The following LBH variants were observed in gnomAD, a reference collection of about 807,000 sequenced individuals.
The protein encoded by LBH is LBH regulator of Wnt signaling pathway, also known as protein LBH.
A neutral mutation model predicts 12.5 loss-of-function variants in LBH; 7 were observed. The observed-to-expected ratio is 0.56, with a 90% CI of 0.32 to 1.05. LBH has a LOEUF of 1.05. LBH is among the 50% of genes least tolerant of loss of function. The pLI is 0.04. For missense variants in LBH, 119 were observed against 138.9 expected (o/e 0.86, Z 0.72); for synonymous variants, 51 against 50.1 (o/e 1.02, Z -0.08).
intron 1 of LBH, chr2:30,232,062 T>G: frequency 6.8e-7 from 1 of 1,477,920 alleles, no homozygotes; most frequent in Non-Finnish European, 9.0e-7. Context: ...TCCCCCCCAA[T>G]GAAACCACCC....
rs113721073 is a variant in LBH, at chr2:30,257,790, CTT to C, written c.*181_*182del. 3.9e-3 allele frequency: 1,532 copies of C among 395,778 alleles called. No homozygotes were observed. Among genetic ancestry groups the C allele is most frequent in the South Asian group, 8.4e-3 (207 of 24,736 alleles). 24.5% of individuals were successfully genotyped at this position (395,778 alleles called of 1,614,324 possible). On this transcript the variant is annotated 3_prime_UTR_variant, in exon 3 of 3. Transcript: ENST00000395323. ...AGTTGGTTTTCTTTTCTTTTCTTGCCTTTTTTTTTTTTTGAAATTTGCCGAGC... is the reference window on the plus strand; with the variant it reads ...AGTTGGTTTTCTTTTCTTTTCTTGCCTTTTTTTTTTTGAAATTTGCCGAGC...
At chr2:30,251,050 A>ATTT (rs372791263) in intron 2 of LBH, among the ~76,000 whole-genome samples, 136 of 122,488 alleles carry the variant, frequency 1.1e-3, no homozygotes, top group Non-Finnish European at 1.4e-3. Context: ...TGTCAGTAGA[A>ATTT]TTTTTTTTTT....
At chr2:30,247,068 A>C (rs1677884310) in intron 2 of LBH, among the ~76,000 whole-genome samples, 1 of 151,388 alleles carries the variant, frequency 6.6e-6, no homozygotes, top group Non-Finnish European at 1.5e-5. Context: ...CAGTCCTCCC[A>C]CCTCAGCCTC....
chr2:30,240,444 A>G (rs532668004), intron 2 of LBH, among the ~76,000 whole-genome samples: 1 of 152,262 alleles, frequency 6.6e-6, no homozygotes, highest in African/African-American at 2.4e-5. Context: ...CTCAGAGGAT[A>G]TGAAGACAGG....
At chr2:30,238,770 G>A (rs1446440242) in intron 2 of LBH, among the ~76,000 whole-genome samples, 1 of 152,160 alleles carries the variant, frequency 6.6e-6, no homozygotes, top group Non-Finnish European at 1.5e-5. Flanking sequence ...TGCATTGAGA[G>A]GTGGTCTGAA....
chr2:30,234,405 CCCCGACTA>C lies in LBH; in HGVS notation c.28_35del (p.Pro10SerfsTer8), dbSNP rs1677646843. The C allele has an allele frequency of 6.2e-7, 1 of 1,613,514 alleles. No individual in the cohort carries two copies. The highest frequency in any genetic ancestry group is 1.1e-5 in the South Asian group (1 of 91,070). ...ACTTTTGGTCTGGGTTTCTTGGCAG[CCCCGACTA>C]TCTGAGATCGGCCAAGATGACTGAG... On this transcript the variant is annotated frameshift_variant and splice_region_variant, in exon 2 of 3. Coordinates refer to ENST00000395323, the MANE Select transcript of LBH (RefSeq NM_030915.4). LOFTEE classifies it high-confidence loss of function.
At chr2:30,232,253 A>G in intron 1 of LBH, 1 of 1,185,950 alleles carries the variant, frequency 8.4e-7, no homozygotes, top group Non-Finnish European at 1.2e-6. Flanking sequence ...GGGGGCGGGA[A>G]ACGCTCTCCC....
rs1677973781 is a variant in LBH at position 30,251,265 on chromosome 2, T to C, written c.130-6168T>C. Among the ~76,000 whole-genome samples the C allele has an allele frequency of 3.9e-5, 6 of 152,048 alleles. No individual in the cohort carries two copies. In the South Asian group the frequency reaches 1.2e-3, roughly 32 times the overall value. On this transcript the variant is annotated intron_variant, in intron 2 of 2. Transcript: ENST00000395323. ...GTGCTCCATAGTCACACATGGCAAG[T>C]GGCTACTGTACTGGACAGCGCAGAT...
chr2:30,232,261 C>A (rs899461781), intron 1 of LBH: 12 of 1,514,950 alleles, frequency 7.9e-6, no homozygotes, highest in African/African-American at 6.9e-5. Flanking sequence ...GAAACGCTCT[C>A]CCCACACGTA....
intron 2 of LBH, among the ~76,000 whole-genome samples, chr2:30,239,205 A>G (rs954034009): frequency 2.6e-5 from 4 of 152,028 alleles, no homozygotes; most frequent in African/African-American, 9.7e-5. Flanking sequence ...CTCTTTGCTC[A>G]CATCTCTGCT....
At chr2:30,246,890 T>C (rs190007032) in intron 2 of LBH, among the ~76,000 whole-genome samples, 29 of 142,334 alleles carry the variant, frequency 2.0e-4, no homozygotes, top group Non-Finnish European at 3.7e-4. Context: ...GGCATGGTCA[T>C]AGCTCACTGC....
chr2:30,244,613 T>C (rs1677843286), intron 2 of LBH, among the ~76,000 whole-genome samples: 1 of 152,088 alleles, frequency 6.6e-6, no homozygotes, highest in South Asian at 2.1e-4. Flanking sequence ...GTAAGAAACC[T>C]TCATTAAGGC....
At chr2:30,252,392 G>GT (rs1677996299) in intron 2 of LBH, among the ~76,000 whole-genome samples, 1 of 152,236 alleles carries the variant, frequency 6.6e-6, no homozygotes, top group African/African-American at 2.4e-5. Context: ...GCCAGGTGCA[G>GT]TGGCTCATGC....
In LBH at chr2:30,258,364, T is replaced by G. The variant is rs910233926; in HGVS notation, c.*743T>G. The G allele has an allele frequency of 5.3e-5, 8 of 152,346 alleles. No homozygotes were observed. Among genetic ancestry groups the G allele is most frequent in the Non-Finnish European group, 1.0e-4 (7 of 68,158 alleles). The allele number at this position is 152,346 out of a possible 1,614,324, so 9.4% of individuals were successfully genotyped here. On this transcript the variant is annotated 3_prime_UTR_variant, in exon 3 of 3. Coordinates refer to ENST00000395323, the MANE Select transcript of LBH (RefSeq NM_030915.4). ...GCTCACATAGCCAGTGTGATCGGTT[T>G]TTAAGAGGCAGTGCTTTTCAGCTTT... is the stretch of plus-strand genomic sequence containing the variant.
At chr2:30,232,134 G>C in intron 1 of LBH, 2 of 1,545,812 alleles carry the variant, frequency 1.3e-6, no homozygotes, top group Non-Finnish European at 1.7e-6. Context: ...TGCTCTTCCC[G>C]GGCCCCTCCT....
At chr2:30,234,585 C>A in intron 2 of LBH, 78 bp downstream of exon 2, 1 of 975,616 alleles carries the variant, frequency 1.0e-6, no homozygotes, top group Non-Finnish European at 1.6e-6. Flanking sequence ...CTTGGTTTTG[C>A]ATCCCAGTGC....
In LBH at chr2:30,232,474, G is replaced by A. The variant is rs1677609167; in HGVS notation, c.26+710G>A. On this transcript the variant is annotated intron_variant, in intron 1 of 2. Coordinates refer to ENST00000395323, the MANE Select transcript of LBH (RefSeq NM_030915.4). The stretch of plus-strand genomic sequence containing the variant: ...ACTGGGGATCGGAGCCGGGAGGGAT[G>A]CAGAGAGAGGCAGGCCCCTGACTGC... 5 of 424,994 alleles carry A rather than the reference G, an allele frequency of 1.2e-5. No individual in the cohort carries two copies. In the East Asian group the frequency reaches 1.9e-4, roughly 16 times the overall value. 26.3% of individuals were successfully genotyped at this position (424,994 alleles called of 1,614,324 possible).
At chr2:30,243,414 T>G (rs1221755765) in intron 2 of LBH, among the ~76,000 whole-genome samples, 1 of 152,138 alleles carries the variant, frequency 6.6e-6, no homozygotes, top group Non-Finnish European at 1.5e-5. Flanking sequence ...GTTCACCAGA[T>G]GCATGCTTTG....
At chr2:30,240,586 A>G (rs1360933713) in intron 2 of LBH, among the ~76,000 whole-genome samples, 1 of 152,192 alleles carries the variant, frequency 6.6e-6, no homozygotes, top group Non-Finnish European at 1.5e-5. Context: ...GCTCAGGAAG[A>G]TATCGTTATC....
Sources: gnomAD v4.1 joint callset for allele counts (sites outside exome capture counted in the v4.1 genomes callset) on GRCh38, gnomAD v4.1.1 for gene constraint, MANE v1.5 for transcripts, NCBI Gene and HGNC (gene_info 2026-07-23, HGNC 2026-07-21) for gene names.